CSRNP3: variants seen among roughly 807,000 people sequenced by gnomAD.
CSRNP3 encodes cysteine and serine rich nuclear protein 3.
In CSRNP3, 12 loss-of-function variants were observed where a neutral mutation model predicts 48.0. The ratio of observed to expected loss-of-function variants is 0.25; its 90% CI spans 0.16 to 0.41. The LOEUF (loss-of-function observed/expected upper bound fraction) is 0.41, where lower values mean the gene tolerates loss of function less well. Ranked by LOEUF, CSRNP3 falls within the 10% of genes least tolerant of loss-of-function variation. The pLI is 1.00. For missense variants in CSRNP3, 580 were observed against 724.4 expected, an observed-to-expected ratio of 0.80 and a Z score of 2.29; for synonymous variants, 263 against 269.7, an observed-to-expected ratio of 0.98 and a Z score of 0.24.
intron 3 of CSRNP3, among the ~76,000 whole-genome samples, chr2:165,533,802 C>T (rs907704389): frequency 6.6e-6 from 1 of 151,884 alleles, no homozygotes; most frequent in Non-Finnish European, 1.5e-5. Context: ...TTCTCTATTA[C>T]TGATACGGGA....
At chr2:165,505,684 C>A (rs1471525041) in intron 2 of CSRNP3, among the ~76,000 whole-genome samples, 3 of 152,008 alleles carry the variant, frequency 2.0e-5, no homozygotes. Context: ...TTTCTAACTT[C>A]CGGAGGTTTT....
intron 5 of CSRNP3, among the ~76,000 whole-genome samples, chr2:165,671,526 G>T (rs1446236561): frequency 6.6e-6 from 1 of 152,224 alleles, no homozygotes; most frequent in Non-Finnish European, 1.5e-5. Context: ...GGCTGGAGCA[G>T]CTGAGACACA....
chr2:165,542,427 C>A (rs1684970759), intron 3 of CSRNP3, among the ~76,000 whole-genome samples: 1 of 152,100 alleles, frequency 6.6e-6, no homozygotes. Flanking sequence ...TGAGTGTAAG[C>A]ATATATGTAC....
rs572089255 is a variant in CSRNP3 at position 165,675,880 on chromosome 2, AT to A, written c.409-429del. ...AGAGTTGTTATTTCAAGGACAACATATTTGCTGAGTTAGGTGGTGATGGCTT... is the reference window on the plus strand; with the variant it reads ...AGAGTTGTTATTTCAAGGACAACATATTGCTGAGTTAGGTGGTGATGGCTT... On this transcript the variant is annotated intron_variant, in intron 5 of 6. Coordinates refer to ENST00000651982, the MANE Select transcript of CSRNP3 (RefSeq NM_001172173.2). Among the ~76,000 whole-genome samples, 84 of 152,300 alleles carry A rather than the reference AT, an allele frequency of 5.5e-4. No individual in the cohort carries two copies. In the East Asian group the frequency reaches 7.1e-3, roughly 13 times the overall value.
chr2:165,507,611 T>C (rs969270262), intron 2 of CSRNP3, among the ~76,000 whole-genome samples: 3 of 152,182 alleles, frequency 2.0e-5, no homozygotes, highest in South Asian at 2.1e-4. Flanking sequence ...TTTTCCTTTA[T>C]TTACACTTTA....
intron 4 of CSRNP3, among the ~76,000 whole-genome samples, chr2:165,650,120 C>T (rs1328848790): frequency 6.6e-6 from 1 of 152,092 alleles, no homozygotes; most frequent in African/African-American, 2.4e-5. Context: ...ACCCACGATA[C>T]TTCTTTAGTA....
At chr2:165,507,518 C>T (rs763113994) in intron 2 of CSRNP3, among the ~76,000 whole-genome samples, 3 of 152,118 alleles carry the variant, frequency 2.0e-5, no homozygotes, top group Non-Finnish European at 4.4e-5. Flanking sequence ...ATCATAAAGG[C>T]ATCTATTGTG....
chr2:165,542,492 CT>C (rs1684971680), intron 3 of CSRNP3, among the ~76,000 whole-genome samples: 1 of 152,054 alleles, frequency 6.6e-6, no homozygotes, highest in South Asian at 2.1e-4. Context: ...ATGTAAACTA[CT>C]TTTTTAAGTT....
chr2:165,500,385 G>A (rs1454026475), intron 2 of CSRNP3, among the ~76,000 whole-genome samples: 4 of 145,734 alleles, frequency 2.7e-5, no homozygotes, highest in Non-Finnish European at 6.0e-5. Context: ...ATGCGTATAT[G>A]TATATATGTA....
intron 3 of CSRNP3, among the ~76,000 whole-genome samples, chr2:165,541,443 G>A (rs1307585333): frequency 6.6e-6 from 1 of 151,948 alleles, no homozygotes; most frequent in African/African-American, 2.4e-5. Context: ...TCTCTCCTCT[G>A]TCTTCAGCTA....
chr2:165,482,052 C>A (rs991214426), intron 1 of CSRNP3, among the ~76,000 whole-genome samples: 14 of 151,810 alleles, frequency 9.2e-5, no homozygotes, highest in Non-Finnish European at 1.8e-4. Context: ...ATGCAACAAA[C>A]CTGCACATGT....
intron 4 of CSRNP3, among the ~76,000 whole-genome samples, chr2:165,610,425 TCAAACA>T (rs1686117178): frequency 6.6e-6 from 1 of 152,224 alleles, no homozygotes; most frequent in Non-Finnish European, 1.5e-5. Context: ...CAGTCTGGGT[TCAAACA>T]CCCTGTATTT....
intron 4 of CSRNP3, among the ~76,000 whole-genome samples, chr2:165,626,449 C>A (rs184355817): frequency 6.6e-6 from 1 of 152,120 alleles, no homozygotes; most frequent in Non-Finnish European, 1.5e-5. Flanking sequence ...TAATCCTTAC[C>A]GTGTATATGG....
chr2:165,571,184 A>T (rs1384276965), intron 3 of CSRNP3, among the ~76,000 whole-genome samples: 1 of 151,776 alleles, frequency 6.6e-6, no homozygotes, highest in Admixed American at 6.6e-5. Context: ...TATATATCTA[A>T]CTACTCAGAA....
chr2:165,528,907 C>T (rs889183213), intron 3 of CSRNP3, among the ~76,000 whole-genome samples: 6 of 152,244 alleles, frequency 3.9e-5, no homozygotes, highest in South Asian at 2.1e-4. Flanking sequence ...AGGAGCTCCC[C>T]GGGTGCCACT....
At chr2:165,523,605 T>C (rs1048295247) in intron 3 of CSRNP3, among the ~76,000 whole-genome samples, 2 of 152,204 alleles carry the variant, frequency 1.3e-5, no homozygotes, top group African/African-American at 4.8e-5. Context: ...TAACTACATT[T>C]TTCTTCTTTC....
intron 3 of CSRNP3, among the ~76,000 whole-genome samples, chr2:165,549,085 T>C (rs1419591864): frequency 2.0e-5 from 3 of 151,862 alleles, no homozygotes; most frequent in Non-Finnish European, 2.9e-5. Flanking sequence ...TTGAATGCTT[T>C]AAACCTGGCT....
chr2:165,604,771 G>A (rs1022590221), intron 4 of CSRNP3, among the ~76,000 whole-genome samples: 7 of 152,116 alleles, frequency 4.6e-5, no homozygotes, highest in African/African-American at 1.7e-4. Flanking sequence ...TAGGAAAAAA[G>A]GGCATTACTA....
Position 165,501,340 on chromosome 2 carries a change from A to G in CSRNP3, c.-113+6412A>G, listed in dbSNP as rs373654571. 1.8e-4 allele frequency among the ~76,000 whole-genome samples: 28 copies of G among 152,334 alleles called. No individual in the cohort carries two copies. In the East Asian group the frequency reaches 4.0e-3, roughly 22 times the overall value. ...TTTAAAATGCCCTTCAATGTCTGAT[A>G]AACAAATGTTTCATTGAAAAATTGA... On this transcript the variant is annotated intron_variant, in intron 2 of 6. Coordinates refer to ENST00000651982, the MANE Select transcript of CSRNP3 (RefSeq NM_001172173.2).
Sources: gnomAD v4.1 joint callset for allele counts (sites outside exome capture counted in the v4.1 genomes callset) on GRCh38, gnomAD v4.1.1 for gene constraint, MANE v1.5 for transcripts, NCBI Gene and HGNC (gene_info 2026-07-23, HGNC 2026-07-21) for gene names.